Variants in EIF2AK1 observed in about 807,000 individuals in gnomAD.
EIF2AK1 encodes the protein eukaryotic translation initiation factor 2 alpha kinase 1.
EIF2AK1 carries 54 observed loss-of-function variants against 77.9 expected under a neutral mutation model. The observed-to-expected ratio is 0.69, with a 90% confidence interval of 0.56 to 0.87. The LOEUF (loss-of-function observed/expected upper bound fraction) is 0.87, where lower values mean the gene tolerates loss of function less well. EIF2AK1 is among the 40% of genes least tolerant of loss of function. The probability of loss-of-function intolerance (pLI) is 0.00; values close to 1 mark genes in which losing one functional copy is unlikely to be tolerated. For synonymous variants in EIF2AK1, 314 were observed against 290.5 expected, an observed-to-expected ratio of 1.08 and a Z score of -0.82; for missense variants, 810 against 768.6, an observed-to-expected ratio of 1.05 and a Z score of -0.64.
Position 6,022,572 on chromosome 7 carries a change from C to T in EIF2AK1, c.*2101G>A, listed in dbSNP as rs532749885. ...AGCGATTTGCATCAGGTCAGATATT[C>T]TAAGTCTAGAAAGCCTGTGGGATAG... is the stretch of plus-strand genomic sequence containing the variant. On this transcript the variant is annotated 3_prime_UTR_variant, in exon 15 of 15. Coordinates refer to ENST00000199389, the MANE Select transcript of EIF2AK1 (RefSeq NM_014413.4). The T allele has an allele frequency of 1.3e-5, 2 of 152,282 alleles. No individual in the cohort carries two copies. Among genetic ancestry groups the T allele is most frequent in the South Asian group, 4.1e-4 (2 of 4,822 alleles). The allele number at this position is 152,282 out of a possible 1,614,324, so 9.4% of individuals were successfully genotyped here. A position where few individuals can be genotyped will look rare whatever the true frequency, so the allele number is the denominator to read the frequency against.
chr7:6,027,053 G>A lies in EIF2AK1; in HGVS notation c.1531-92C>T. 4 of 1,060,326 alleles carry A rather than the reference G, an allele frequency of 3.8e-6. No individual in the cohort carries two copies. The highest frequency in any genetic ancestry group is 5.7e-6 in the Non-Finnish European group (4 of 701,442). The allele number at this position is 1,060,326 out of a possible 1,614,324, so 65.7% of individuals were successfully genotyped here. ...TGTTCCACCCTCCAAACAGGAGAGG[G>A]TTTCTAAGAATGAGGATATACGGTC... On this transcript the variant is annotated intron_variant, in intron 13 of 14. Coordinates refer to ENST00000199389, the MANE Select transcript of EIF2AK1 (RefSeq NM_014413.4). The surrounding 1 kb of genome is among the most constrained non-coding windows in gnomAD (Gnocchi z 4.5).
intron 7 of EIF2AK1, among the ~76,000 whole-genome samples, chr7:6,043,820 C>A (rs944340684): frequency 6.6e-6 from 1 of 151,862 alleles, no homozygotes; most frequent in Non-Finnish European, 1.5e-5. Context: ...AATTTTGGGC[C>A]AGGCACAGAG....
chr7:6,028,834 TC>T, intron 12 of EIF2AK1, 83 bp downstream of exon 12: 1 of 1,433,590 alleles, frequency 7.0e-7, no homozygotes, highest in African/African-American at 1.4e-5. Context: ...TGCTATTAAA[TC>T]TTTATGATTC....
chr7:6,037,328 AG>A, intron 11 of EIF2AK1, 95 bp downstream of exon 11: 2 of 773,390 alleles, frequency 2.6e-6, no homozygotes, highest in Non-Finnish European at 4.5e-6. Context: ...CAAATGAACT[AG>A]GACATGTAAT....
intron 2 of EIF2AK1, among the ~76,000 whole-genome samples, chr7:6,053,839 G>GC (rs1277782838): frequency 3.7e-5 from 3 of 80,410 alleles, no homozygotes; most frequent in South Asian, 3.9e-4. Flanking sequence ...GGGTAGTTTT[G>GC]CATTTTTTTT....
intron 11 of EIF2AK1, among the ~76,000 whole-genome samples, chr7:6,037,172 A>G (rs1359066279): frequency 6.6e-6 from 1 of 151,942 alleles, no homozygotes; most frequent in Non-Finnish European, 1.5e-5. Context: ...TGGAGGCTGC[A>G]GTGAGCTGTA....
In EIF2AK1 at chr7:6,027,370, T is replaced by C. The variant is rs1328445312; in HGVS notation, c.1531-409A>G. On this transcript the variant is annotated intron_variant, in intron 13 of 14. Coordinates refer to ENST00000199389, the MANE Select transcript of EIF2AK1 (RefSeq NM_014413.4). This position sits in a 1 kb window ranked among gnomAD's most constrained non-coding sequence, Gnocchi z 4.5. Reference sequence around the variant, plus strand: ...TGCCTCCACTCATTCTTACCAAGTGTCCTTGGTGACATTTAACAAACTGCA... The same window carrying C: ...TGCCTCCACTCATTCTTACCAAGTGCCCTTGGTGACATTTAACAAACTGCA... Among the ~76,000 whole-genome samples the C allele has an allele frequency of 6.6e-6, 1 of 152,140 alleles. No homozygotes were observed. Among genetic ancestry groups the C allele is most frequent in the Admixed American group, 6.5e-5 (1 of 15,280 alleles).
intron 14 of EIF2AK1, among the ~76,000 whole-genome samples, chr7:6,026,085 A>G (rs992144750): frequency 6.6e-6 from 1 of 151,964 alleles, no homozygotes; most frequent in Non-Finnish European, 1.5e-5. Flanking sequence ...CGGTGGTCCA[A>G]TGACTGTGTA....
intron 9 of EIF2AK1, among the ~76,000 whole-genome samples, chr7:6,040,018 C>T (rs1309069433): frequency 6.6e-6 from 1 of 152,148 alleles, no homozygotes; most frequent in Non-Finnish European, 1.5e-5. Flanking sequence ...ATGGTATATA[C>T]AGTTTTATAA....
chr7:6,054,219 A>G (rs1788686824), intron 2 of EIF2AK1, among the ~76,000 whole-genome samples: 1 of 151,138 alleles, frequency 6.6e-6, no homozygotes, highest in South Asian at 2.1e-4. Flanking sequence ...TTATTTATTT[A>G]TTTTTGAGAC....
At chr7:6,026,590 A>G (rs752858012) in intron 14 of EIF2AK1, 138 bp downstream of exon 14, 16 of 750,826 alleles carry the variant, frequency 2.1e-5, no homozygotes, top group Non-Finnish European at 2.2e-5. Flanking sequence ...GGACGAGAAC[A>G]AACAGGCCCC....
At chr7:6,030,836 G>A (rs2128885913) in intron 11 of EIF2AK1, among the ~76,000 whole-genome samples, 1 of 152,266 alleles carries the variant, frequency 6.6e-6, no homozygotes, top group Non-Finnish European at 1.5e-5. Flanking sequence ...TAACTCATAT[G>A]TATTAGCCAG....
intron 1 of EIF2AK1, among the ~76,000 whole-genome samples, chr7:6,057,225 C>T (rs1177055366): frequency 6.7e-6 from 1 of 148,206 alleles, no homozygotes; most frequent in Non-Finnish European, 1.5e-5. Context: ...CTCTGCCTCC[C>T]GGACGACCCC....
chr7:6,048,021 A>G (rs1788495473), intron 4 of EIF2AK1: 1 of 152,218 alleles, frequency 6.6e-6, no homozygotes, highest in African/African-American at 2.4e-5. Context: ...CACCATAAGC[A>G]GCTTCTTAAA....
Position 6,049,625 on chromosome 7 carries a change from CTCTT to C in EIF2AK1, c.411+283_411+286del, listed in dbSNP as rs1265580714. Among the ~76,000 whole-genome samples, 27 of 137,274 alleles carry C rather than the reference CTCTT, an allele frequency of 2.0e-4. 1 individual carries two copies. Among genetic ancestry groups the C allele is most frequent in the Admixed American group, 1.9e-3 (25 of 13,210 alleles). 90.1% of individuals were successfully genotyped at this position (137,274 alleles called of 152,430 possible). On this transcript the variant is annotated intron_variant, in intron 3 of 14. Coordinates refer to ENST00000199389, the MANE Select transcript of EIF2AK1 (RefSeq NM_014413.4). ...CTGTGGCCTCTCCTTTGCCTCTCCTCTCTTTTTTTTTTTTTTTTTCAGGCAGGTT... is the reference window on the plus strand; with the variant it reads ...CTGTGGCCTCTCCTTTGCCTCTCCTCTTTTTTTTTTTTTTTCAGGCAGGTT...
In EIF2AK1 at chr7:6,027,473, A is replaced by AT. The variant is rs773324834; in HGVS notation, c.1531-513dup. Reference sequence around the variant, plus strand: ...AAACAAGATTTTAGGGGCAGCCATCATTTTTTCTGACAGCTCTTTCCTAAT... The same window carrying AT: ...AAACAAGATTTTAGGGGCAGCCATCATTTTTTTCTGACAGCTCTTTCCTAAT... On this transcript the variant is annotated intron_variant, in intron 13 of 14. Transcript: ENST00000199389. The surrounding 1 kb of genome is among the most constrained non-coding windows in gnomAD (Gnocchi z 4.5). 2.8e-4 allele frequency among the ~76,000 whole-genome samples: 42 copies of AT among 152,068 alleles called. No individual in the cohort carries two copies. The highest frequency in any genetic ancestry group is 2.5e-4 in the Non-Finnish European group (17 of 68,018).
At chr7:6,038,906 G>C (rs1451930609) in intron 9 of EIF2AK1, among the ~76,000 whole-genome samples, 4 of 152,026 alleles carry the variant, frequency 2.6e-5, no homozygotes, top group African/African-American at 9.7e-5. Context: ...TTAAAACCGG[G>C]TGTTGTAATA....
chr7:6,027,264 G>A lies in EIF2AK1; in HGVS notation c.1531-303C>T, dbSNP rs1343528727. 6.6e-6 allele frequency among the ~76,000 whole-genome samples: 1 copy of A among 152,180 alleles called. No homozygotes were observed. Among genetic ancestry groups the A allele is most frequent in the Non-Finnish European group, 1.5e-5 (1 of 68,036 alleles). The stretch of plus-strand genomic sequence containing the variant: ...CCTTAACAATCCAGGCCTGACCCAG[G>A]CAATGATGTGAGCTCACGCCTGCTA... On this transcript the variant is annotated intron_variant, in intron 13 of 14. Coordinates refer to ENST00000199389, the MANE Select transcript of EIF2AK1 (RefSeq NM_014413.4). The surrounding 1 kb of genome is among the most constrained non-coding windows in gnomAD (Gnocchi z 4.5).
In EIF2AK1 at chr7:6,022,635, GC is replaced by G. The variant is rs1787510902; in HGVS notation, c.*2037del. 6.6e-6 allele frequency: 1 copy of G among 152,328 alleles called. No homozygotes were observed. The highest frequency in any genetic ancestry group is 6.5e-5 in the Admixed American group (1 of 15,304). The allele number at this position is 152,328 out of a possible 1,614,324, so 9.4% of individuals were successfully genotyped here. A position where few individuals can be genotyped will look rare whatever the true frequency, so the allele number is the denominator to read the frequency against. ...AGCAGAGATGAAGCAACGCAAAGAT[GC>G]CCTTGTTCGTCTGCAAAATTTAGGG... On this transcript the variant is annotated 3_prime_UTR_variant, in exon 15 of 15. Coordinates refer to ENST00000199389, the MANE Select transcript of EIF2AK1 (RefSeq NM_014413.4).
Sources: allele counts gnomAD v4.1 joint callset (sites outside exome capture counted in the v4.1 genomes callset), GRCh38; gene constraint gnomAD v4.1.1; non-coding constraint Gnocchi (gnomAD v3.1); transcripts MANE v1.5; gene names NCBI Gene and HGNC (gene_info 2026-07-23, HGNC 2026-07-21).